The following RUNDC3B variants were observed in gnomAD, a reference collection of about 807,000 sequenced individuals.
RUNDC3B encodes the protein RUN domain-containing protein 3B.
In RUNDC3B, 33 loss-of-function variants were observed where a neutral mutation model predicts 58.4. The ratio of observed to expected loss-of-function variants is 0.56; its 90% CI spans 0.43 to 0.75. The LOEUF is 0.75. Ranked by LOEUF, RUNDC3B falls within the 30% of genes least tolerant of loss-of-function variation. The pLI, the probability that RUNDC3B is intolerant of heterozygous loss-of-function variation, is 0.00. For missense variants in RUNDC3B, 501 were observed against 535.7 expected (o/e 0.94, Z 0.64); for synonymous variants, 193 against 195.2 (o/e 0.99, Z 0.10).
At chr7:87,775,365 GA>G (rs906437554) in intron 7 of RUNDC3B, among the ~76,000 whole-genome samples, 2 of 152,154 alleles carry the variant, frequency 1.3e-5, no homozygotes, top group South Asian at 4.1e-4. Context: ...ATGTTAAAAA[GA>G]AAATGTTTTT....
At chr7:87,732,681 A>G (rs1209368035) in intron 4 of RUNDC3B, among the ~76,000 whole-genome samples, 1 of 152,198 alleles carries the variant, frequency 6.6e-6, no homozygotes, top group African/African-American at 2.4e-5. Context: ...CCAACAATGC[A>G]CTAGATATAC....
chr7:87,803,985 A>G (rs1836305404), intron 8 of RUNDC3B, among the ~76,000 whole-genome samples: 1 of 152,142 alleles, frequency 6.6e-6, no homozygotes, highest in Non-Finnish European at 1.5e-5. Flanking sequence ...GTGAATAAAT[A>G]TGAAACAAAG....
intron 2 of RUNDC3B, among the ~76,000 whole-genome samples, chr7:87,664,689 A>C (rs1162829219): frequency 6.6e-6 from 1 of 152,148 alleles, no homozygotes; most frequent in African/African-American, 2.4e-5. Context: ...GTAAATCAAT[A>C]GAAATGATCC....
Position 87,777,785 on chromosome 7 carries a change from A to G in RUNDC3B, c.799-13A>G. Reference sequence around the variant, plus strand: ...TTTGCAGTTTCTATATCTTGATGATACTGGATTTCCAGGGTTACCTTGAAG... The same window carrying G: ...TTTGCAGTTTCTATATCTTGATGATGCTGGATTTCCAGGGTTACCTTGAAG... On this transcript the variant is annotated splice_polypyrimidine_tract_variant and intron_variant, in intron 7 of 10. Transcript: ENST00000394654. 6.2e-7 allele frequency: 1 copy of G among 1,612,412 alleles called. No homozygotes were observed. The highest frequency in any genetic ancestry group is 8.5e-7 in the Non-Finnish European group (1 of 1,178,992).
chr7:87,716,532 C>A (rs1830564872), intron 4 of RUNDC3B, among the ~76,000 whole-genome samples: 1 of 152,178 alleles, frequency 6.6e-6, no homozygotes, highest in Non-Finnish European at 1.5e-5. Context: ...GTGCTATACA[C>A]AAAATATTTC....
At chr7:87,639,468 T>G (rs1822209854) in intron 1 of RUNDC3B, among the ~76,000 whole-genome samples, 3 of 152,188 alleles carry the variant, frequency 2.0e-5, no homozygotes, top group African/African-American at 7.2e-5. Context: ...TGTATACTCT[T>G]TAGTATTGAG....
chr7:87,769,166 A>ATTT (rs77945268), intron 6 of RUNDC3B, among the ~76,000 whole-genome samples: 41 of 135,098 alleles, frequency 3.0e-4, no homozygotes, highest in Non-Finnish European at 5.2e-4. Flanking sequence ...ACGCCCAGCT[A>ATTT]TTTTTTTTTT....
At chr7:87,633,520 C>T (rs1232565229) in intron 1 of RUNDC3B, among the ~76,000 whole-genome samples, 1 of 152,182 alleles carries the variant, frequency 6.6e-6, no homozygotes, top group African/African-American at 2.4e-5. Flanking sequence ...CTTTTGCATC[C>T]TTCTGTTTCT....
chr7:87,778,875 ATAATT>A (rs918435386), intron 8 of RUNDC3B, among the ~76,000 whole-genome samples: 38 of 152,192 alleles, frequency 2.5e-4, no homozygotes, highest in Non-Finnish European at 4.6e-4. Flanking sequence ...TCTTAAAAAA[ATAATT>A]TAAATTTGTT....
At chr7:87,721,797 C>G (rs1049051712) in intron 4 of RUNDC3B, among the ~76,000 whole-genome samples, 12 of 151,688 alleles carry the variant, frequency 7.9e-5, no homozygotes, top group African/African-American at 2.9e-4. Flanking sequence ...CTCTCTGTCT[C>G]TGTCTCTCTC....
chr7:87,674,055 C>G (rs1826082465), intron 2 of RUNDC3B, among the ~76,000 whole-genome samples: 1 of 152,122 alleles, frequency 6.6e-6, no homozygotes, highest in Non-Finnish European at 1.5e-5. Flanking sequence ...TGTTCTCTGG[C>G]CCCTCAAGGT....
chr7:87,789,948 C>A (rs1490497903), intron 8 of RUNDC3B, among the ~76,000 whole-genome samples: 1 of 152,216 alleles, frequency 6.6e-6, no homozygotes, highest in Non-Finnish European at 1.5e-5. Flanking sequence ...AGGGCCTGGG[C>A]AACTCACTGC....
intron 3 of RUNDC3B, among the ~76,000 whole-genome samples, chr7:87,702,837 T>C (rs1397053901): frequency 6.6e-6 from 1 of 152,104 alleles, no homozygotes; most frequent in African/African-American, 2.4e-5. Context: ...TTAATGCAAA[T>C]ATTCCAAAAT....
intron 3 of RUNDC3B, among the ~76,000 whole-genome samples, chr7:87,708,408 A>T (rs1829791760): frequency 6.6e-6 from 1 of 152,162 alleles, no homozygotes; most frequent in Admixed American, 6.5e-5. Flanking sequence ...GAAATGGGAA[A>T]TTTCTTTTAA....
At chr7:87,664,712 A>C (rs1195288488) in intron 2 of RUNDC3B, among the ~76,000 whole-genome samples, 2 of 152,180 alleles carry the variant, frequency 1.3e-5, no homozygotes, top group Non-Finnish European at 2.9e-5. Context: ...TCTGAAGAAC[A>C]GAACAGGAAG....
intron 9 of RUNDC3B, among the ~76,000 whole-genome samples, chr7:87,808,261 A>AT (rs1054951758): frequency 3.5e-5 from 5 of 143,122 alleles, no homozygotes; most frequent in African/African-American, 1.3e-4. Flanking sequence ...CTTTTCTCGT[A>AT]TTTTCTCTAG....
At chr7:87,703,885 C>CTTTTTTTTTTTTTTTTTTTTTTTT in intron 3 of RUNDC3B, among the ~76,000 whole-genome samples, 15 of 60,288 alleles carry the variant, frequency 2.5e-4, no homozygotes, top group Non-Finnish European at 3.5e-4. Flanking sequence ...TCAGTTTTTT[C>CTTTTTTTTTTTTTTTTTTTTTTTT]TTTTTTTTTT....
At chr7:87,706,784 G>T (rs997488641) in intron 3 of RUNDC3B, among the ~76,000 whole-genome samples, 3 of 152,146 alleles carry the variant, frequency 2.0e-5, no homozygotes, top group African/African-American at 7.2e-5. Flanking sequence ...AAATGTGCCT[G>T]GAGTTGTGCA....
chr7:87,686,922 G>A (rs1827521596), intron 2 of RUNDC3B, among the ~76,000 whole-genome samples: 1 of 148,004 alleles, frequency 6.8e-6, no homozygotes, highest in African/African-American at 2.5e-5. Context: ...CTCCAGCCTG[G>A]ACAACAGAGG....
Sources: gnomAD v4.1 joint callset for allele counts (sites outside exome capture counted in the v4.1 genomes callset) on GRCh38, gnomAD v4.1.1 for gene constraint, MANE v1.5 for transcripts, NCBI Gene and HGNC (gene_info 2026-07-23, HGNC 2026-07-21) for gene names.